The following ARHGEF3 variants were observed in gnomAD, a reference collection of about 807,000 sequenced individuals.
The protein encoded by ARHGEF3 is Rho guanine nucleotide exchange factor 3.
ARHGEF3 carries 28 observed loss-of-function variants against 63.2 expected under a neutral mutation model. The ratio of observed to expected loss-of-function variants is 0.44; its 90% CI spans 0.33 to 0.61. The LOEUF is 0.61. Ranked by LOEUF, ARHGEF3 falls within the 20% of genes least tolerant of loss-of-function variation. ARHGEF3 has a pLI of 0.03. For synonymous variants in ARHGEF3, 266 were observed against 254.2 expected, an observed-to-expected ratio of 1.05 and a Z score of -0.44; for missense variants, 533 against 659.3, an observed-to-expected ratio of 0.81 and a Z score of 2.10.
At chr3:56,762,557 T>A (rs894790471) in intron 2 of ARHGEF3, among the ~76,000 whole-genome samples, 2 of 152,162 alleles carry the variant, frequency 1.3e-5, no homozygotes, top group African/African-American at 2.4e-5. Flanking sequence ...GTAGACATGA[T>A]GGGACAGATC....
At position 56,737,365 on chromosome 3, in the gene ARHGEF3, CAA is replaced by C. The variant is rs1187591203; in HGVS notation, c.871-12_871-11del. ...CCTGAATGATATTTATCTATGAAAA[CAA>C]AGAGGAAAATTAAGTATGGAGGAAA... On this transcript the variant is annotated splice_polypyrimidine_tract_variant and intron_variant, in intron 7 of 9. Coordinates refer to ENST00000296315, the MANE Select transcript of ARHGEF3 (RefSeq NM_019555.3). The C allele has an allele frequency of 3.7e-6, 6 of 1,604,156 alleles. No individual in the cohort carries two copies. The highest frequency in any genetic ancestry group is 4.3e-6 in the Non-Finnish European group (5 of 1,173,342).
intron 2 of ARHGEF3, among the ~76,000 whole-genome samples, chr3:57,032,116 T>G (rs1703757907): frequency 6.6e-6 from 1 of 152,194 alleles, no homozygotes; most frequent in Admixed American, 6.5e-5. Context: ...TTCCTCTCCC[T>G]GCACAGCTCA....
At chr3:56,951,339 A>G (rs1235762018) in intron 3 of ARHGEF3, among the ~76,000 whole-genome samples, 1 of 151,998 alleles carries the variant, frequency 6.6e-6, no homozygotes, top group Non-Finnish European at 1.5e-5. Flanking sequence ...AGCCTTCAGT[A>G]ACCACCACCC....
intron 3 of ARHGEF3, among the ~76,000 whole-genome samples, chr3:56,943,492 G>A (rs1699292636): frequency 6.6e-6 from 1 of 152,156 alleles, no homozygotes; most frequent in Non-Finnish European, 1.5e-5. Context: ...AATGCATCTG[G>A]TCACCCGAGA....
chr3:57,003,871 G>A (rs1447464293), intron 2 of ARHGEF3, among the ~76,000 whole-genome samples: 4 of 152,218 alleles, frequency 2.6e-5, no homozygotes, highest in African/African-American at 4.8e-5. Context: ...GCCTCCAGAA[G>A]GAGCCAAGCC....
chr3:56,745,133 C>T lies in ARHGEF3; in HGVS notation c.870+72G>A, dbSNP rs977525021. ...AAGTACCCAGGGACTCTTCCATTCA[C>T]CCACTGACCCAATCCACCAGCCATT... is the stretch of plus-strand genomic sequence containing the variant. On this transcript the variant is annotated intron_variant, in intron 7 of 9. Transcript: ENST00000296315. The T allele has an allele frequency of 1.9e-6, 3 of 1,542,866 alleles. No individual in the cohort carries two copies. In the African/African-American group the frequency reaches 4.1e-5, roughly 21 times the overall value.
rs1006810958 is a variant in ARHGEF3 at position 56,961,917 on chromosome 3, T to C, written c.63-3028A>G. On this transcript the variant is annotated intron_variant, in intron 2 of 12. Coordinates refer to the ARHGEF3 transcript ENST00000338458. ...CAAATTAGCTGGGCATTGTGGTGCC[T>C]GCCTGTAGTCCCAACCACTTGGGAG... Among the ~76,000 whole-genome samples, 9 of 152,318 alleles carry C rather than the reference T, an allele frequency of 5.9e-5. No homozygotes were observed. The South Asian group carries it at 8.3e-4, about 14-fold the overall frequency.
intron 2 of ARHGEF3, among the ~76,000 whole-genome samples, chr3:57,005,284 TAACA>T (rs1365219270): frequency 6.6e-6 from 1 of 152,194 alleles, no homozygotes; most frequent in Non-Finnish European, 1.5e-5. Context: ...TCCTAGGTAC[TAACA>T]TTTATCCCCT....
intron 1 of ARHGEF3, among the ~76,000 whole-genome samples, chr3:56,795,066 T>G (rs77207053): frequency 0.013 from 1,998 of 151,678 alleles, 96 homozygotes; most frequent in East Asian, 0.13. Context: ...GGTCTCGCTG[T>G]GTTGCCCAGA....
chr3:57,043,211 T>G (rs1402050174), intron 1 of ARHGEF3, among the ~76,000 whole-genome samples: 4 of 151,616 alleles, frequency 2.6e-5, no homozygotes, highest in Non-Finnish European at 5.9e-5. Context: ...CCACCTCCTG[T>G]GTTCAAGCGA....
At chr3:57,017,463 T>C (rs56325727) in intron 2 of ARHGEF3, among the ~76,000 whole-genome samples, 39,941 of 152,110 alleles carry the variant, frequency 0.26, 5,530 homozygotes, top group Middle Eastern at 0.31. Context: ...AAGGGGCCAA[T>C]TGAGAGCTAA....
At chr3:56,992,791 A>G (rs1701815381) in intron 2 of ARHGEF3, among the ~76,000 whole-genome samples, 1 of 152,188 alleles carries the variant, frequency 6.6e-6, no homozygotes, top group Non-Finnish European at 1.5e-5. Context: ...AACATGGTTA[A>G]TACCTGCACC....
chr3:56,766,141 C>T (rs2035692202), intron 2 of ARHGEF3, among the ~76,000 whole-genome samples: 1 of 152,066 alleles, frequency 6.6e-6, no homozygotes, highest in Non-Finnish European at 1.5e-5. Context: ...CAACTTTTAT[C>T]AAGTAGAACT....
chr3:56,844,006 G>A (rs925817434), intron 4 of ARHGEF3, among the ~76,000 whole-genome samples: 9 of 152,094 alleles, frequency 5.9e-5, no homozygotes, highest in Non-Finnish European at 1.2e-4. Flanking sequence ...CTCATCAATT[G>A]CAAAATGAAG....
At chr3:56,780,659 A>G (rs1288981714) in intron 1 of ARHGEF3, among the ~76,000 whole-genome samples, 1 of 152,228 alleles carries the variant, frequency 6.6e-6, no homozygotes, top group Non-Finnish European at 1.5e-5. Context: ...ATAGCAAAAT[A>G]CTAGAGCTCT....
intron 1 of ARHGEF3, chr3:57,060,789 G>A (rs1051106711): frequency 2.0e-5 from 3 of 152,050 alleles, no homozygotes; most frequent in Non-Finnish European, 1.5e-5. Flanking sequence ...GGTGTCTTGT[G>A]AGTAGTTTAC....
At chr3:56,924,160 T>G (rs1261694289) in intron 3 of ARHGEF3, among the ~76,000 whole-genome samples, 1 of 152,306 alleles carries the variant, frequency 6.6e-6, no homozygotes, top group South Asian at 2.1e-4. Context: ...AAGTCTGTGA[T>G]AAACAGGGGA....
intron 1 of ARHGEF3, among the ~76,000 whole-genome samples, chr3:57,046,240 C>T (rs532683418): frequency 1.3e-5 from 2 of 152,284 alleles, no homozygotes; most frequent in East Asian, 1.9e-4. Flanking sequence ...TCCACATTTT[C>T]GAGAACGAAA....
chr3:56,749,492 T>C (rs1207182414), intron 6 of ARHGEF3, among the ~76,000 whole-genome samples: 1 of 152,206 alleles, frequency 6.6e-6, no homozygotes, highest in Non-Finnish European at 1.5e-5. Flanking sequence ...TTCTGGAGTG[T>C]GGCCTAACTG....
Sources: gnomAD v4.1 joint callset for allele counts (sites outside exome capture counted in the v4.1 genomes callset) on GRCh38, gnomAD v4.1.1 for gene constraint, MANE v1.5 for transcripts, NCBI Gene and HGNC (gene_info 2026-07-23, HGNC 2026-07-21) for gene names.